Variants in TPST1 observed in about 807,000 individuals in gnomAD.
TPST1 encodes the protein protein-tyrosine sulfotransferase 1.
TPST1 carries 20 observed loss-of-function variants against 34.8 expected under a neutral mutation model. The ratio of observed to expected loss-of-function variants is 0.57; its 90% CI spans 0.40 to 0.84. The LOEUF (loss-of-function observed/expected upper bound fraction) is 0.84, where lower values mean the gene tolerates loss of function less well. TPST1 is among the 40% of genes least tolerant of loss of function. The pLI is 0.00. For synonymous variants in TPST1, 152 were observed against 159.4 expected (o/e 0.95, Z 0.35); for missense variants, 353 against 455.5 (o/e 0.78, Z 2.05).
rs547539285 is a variant in TPST1 at position 66,359,994 on chromosome 7, A to G, written c.*129A>G. 7 of 456,462 alleles carry G rather than the reference A, an allele frequency of 1.5e-5. No individual in the cohort carries two copies. The highest frequency in any genetic ancestry group is 3.1e-5 in the Non-Finnish European group (7 of 226,798). 28.3% of individuals were successfully genotyped at this position (456,462 alleles called of 1,614,324 possible). A position where few individuals can be genotyped will look rare whatever the true frequency, so the allele number is the denominator to read the frequency against. On this transcript the variant is annotated 3_prime_UTR_variant, in exon 6 of 6. Coordinates refer to ENST00000304842, the MANE Select transcript of TPST1 (RefSeq NM_003596.4). ...TGCACCTTGGCTGCGCCGCCTGTGC[A>G]TTTGCCAGTTTCCTCCCACTGAGAG...
At chr7:66,331,756 C>A (rs1278172264) in intron 3 of TPST1, among the ~76,000 whole-genome samples, 1 of 151,998 alleles carries the variant, frequency 6.6e-6, no homozygotes, top group Non-Finnish European at 1.5e-5. Context: ...TCATTTGTTA[C>A]CTCTTAGTTA....
chr7:66,321,246 A>G (rs1791750999), intron 3 of TPST1, among the ~76,000 whole-genome samples: 1 of 152,252 alleles, frequency 6.6e-6, no homozygotes, highest in African/African-American at 2.4e-5. Context: ...CCCCAGCAAC[A>G]TGTGTGACAA....
intron 1 of TPST1, among the ~76,000 whole-genome samples, chr7:66,222,698 C>T (rs1227337148): frequency 6.6e-6 from 1 of 151,934 alleles, no homozygotes; most frequent in East Asian, 1.9e-4. Context: ...GGTCTGATGT[C>T]AATGGGGAAT....
chr7:66,240,863 C>A lies in TPST1; in HGVS notation c.438C>A (p.Ile146=), dbSNP rs142645304. 3 of 1,614,042 alleles carry A rather than the reference C, an allele frequency of 1.9e-6. No homozygotes were observed. Among genetic ancestry groups the A allele is most frequent in the Non-Finnish European group, 2.5e-6 (3 of 1,180,036 alleles). The part of the protein sequence containing the change: ...SAMQAFLLEI[I]VKHGEPAPYL... ...TGCAAGCCTTCTTACTAGAAATTAT[C>A]GTTAAGCATGGGGAGCCAGCCCCTT... The change falls in exon 2 of 6, where the codon ATC becomes ATA. Residue 146 remains isoleucine, a synonymous_variant. Coordinates refer to ENST00000304842, the MANE Select transcript of TPST1 (RefSeq NM_003596.4).
Position 66,318,806 on chromosome 7 carries a change from C to T in TPST1, c.1044+32097C>T, listed in dbSNP as rs538715664. Among the ~76,000 whole-genome samples the T allele has an allele frequency of 2.6e-5, 4 of 152,252 alleles. 1 individual carries two copies. In the South Asian group the frequency reaches 8.3e-4, roughly 32 times the overall value. On this transcript the variant is annotated intron_variant, in intron 3 of 5. Transcript: ENST00000304842. ...AAGGTAAATTGATGGTAGACTCAGA[C>T]TTTGCATATTTGGGAATATTTTTAC... is the stretch of plus-strand genomic sequence containing the variant.
chr7:66,305,991 C>G (rs1210099458), intron 3 of TPST1, among the ~76,000 whole-genome samples: 1 of 152,184 alleles, frequency 6.6e-6, no homozygotes. Context: ...CCGCCTCTGT[C>G]CACACCTGTT....
At chr7:66,277,731 T>C (rs1402439019) in intron 2 of TPST1, among the ~76,000 whole-genome samples, 1 of 152,102 alleles carries the variant, frequency 6.6e-6, no homozygotes, top group African/African-American at 2.4e-5. Context: ...TAGGGAGTCA[T>C]TGCAGGATTT....
intron 3 of TPST1, among the ~76,000 whole-genome samples, chr7:66,313,831 A>G (rs1791581071): frequency 6.6e-6 from 1 of 152,126 alleles, no homozygotes; most frequent in Non-Finnish European, 1.5e-5. Flanking sequence ...GTTGTTAGTT[A>G]TCTCAAAATG....
chr7:66,268,080 G>A (rs1035922316), intron 2 of TPST1, among the ~76,000 whole-genome samples: 9 of 151,966 alleles, frequency 5.9e-5, no homozygotes, highest in Non-Finnish European at 1.2e-4. Context: ...AGCCTCCCAA[G>A]TAGCTGGGAT....
intron 3 of TPST1, among the ~76,000 whole-genome samples, chr7:66,309,965 AG>A (rs1791499112): frequency 1.3e-5 from 2 of 152,234 alleles, no homozygotes; most frequent in African/African-American, 4.8e-5. Context: ...CCTGAGATAC[AG>A]AAAGAATAGG....
chr7:66,236,555 A>G (rs550353192), intron 1 of TPST1, among the ~76,000 whole-genome samples: 6 of 152,136 alleles, frequency 3.9e-5, no homozygotes, highest in East Asian at 1.9e-4. Flanking sequence ...CACCTTTCCA[A>G]ACGGAACCAA....
At chr7:66,355,842 T>C (rs1584264639) in intron 4 of TPST1, among the ~76,000 whole-genome samples, 1 of 147,992 alleles carries the variant, frequency 6.8e-6, no homozygotes. Flanking sequence ...GAGGCAGAGG[T>C]TGCAGTGAAC....
At chr7:66,323,499 A>G (rs528629166) in intron 3 of TPST1, among the ~76,000 whole-genome samples, 11 of 152,190 alleles carry the variant, frequency 7.2e-5, no homozygotes, top group African/African-American at 2.4e-4. Context: ...TTTTATTATT[A>G]TGTATTACAC....
At chr7:66,312,029 A>G (rs978184879) in intron 3 of TPST1, among the ~76,000 whole-genome samples, 5 of 152,368 alleles carry the variant, frequency 3.3e-5, no homozygotes, top group East Asian at 1.9e-4. Context: ...AGGTTTTCCT[A>G]TACTTGTACT....
chr7:66,211,897 C>T (rs1021523708), intron 1 of TPST1, among the ~76,000 whole-genome samples: 3 of 152,096 alleles, frequency 2.0e-5, no homozygotes, highest in Admixed American at 6.6e-5. Context: ...ACCCGGGAGG[C>T]GGAGGTCGCA....
intron 1 of TPST1, among the ~76,000 whole-genome samples, chr7:66,209,533 A>G (rs183993638): frequency 8.0e-4 from 122 of 152,272 alleles, no homozygotes; most frequent in Admixed American, 2.6e-3. Context: ...TCAGCCATAT[A>G]AAATCACCTC....
At chr7:66,298,880 T>G (rs962278405) in intron 3 of TPST1, among the ~76,000 whole-genome samples, 3 of 152,024 alleles carry the variant, frequency 2.0e-5, no homozygotes, top group African/African-American at 7.3e-5. Flanking sequence ...TCCCAGCACT[T>G]TGGGAGGCTG....
At chr7:66,322,303 G>GT (rs1390824128) in intron 3 of TPST1, among the ~76,000 whole-genome samples, 2 of 152,108 alleles carry the variant, frequency 1.3e-5, no homozygotes, top group African/African-American at 2.4e-5. Context: ...TCTCAGTAGT[G>GT]TTAAACATAT....
At chr7:66,350,475 T>G (rs1792453390) in intron 3 of TPST1, among the ~76,000 whole-genome samples, 1 of 152,096 alleles carries the variant, frequency 6.6e-6, no homozygotes, top group Admixed American at 6.6e-5. Context: ...CGGAAATACC[T>G]TATCTATAAG....
Sources: gnomAD v4.1 joint callset for allele counts (sites outside exome capture counted in the v4.1 genomes callset) on GRCh38, gnomAD v4.1.1 for gene constraint, MANE v1.5 for transcripts, NCBI Gene and HGNC (gene_info 2026-07-23, HGNC 2026-07-21) for gene names.